The following ATP8A1 variants were observed in gnomAD, a reference collection of about 807,000 sequenced individuals.
ATP8A1 encodes the protein phospholipid-transporting ATPase IA.
Under a neutral mutation model 177.7 loss-of-function variants are expected in ATP8A1, and 90 were observed. The ratio of observed to expected loss-of-function variants is 0.51; its 90% CI spans 0.43 to 0.60. The LOEUF (loss-of-function observed/expected upper bound fraction) is 0.60, where lower values mean the gene tolerates loss of function less well. ATP8A1 is among the 20% of genes least tolerant of loss of function. The pLI is 0.00. For synonymous variants in ATP8A1, 493 were observed against 485.9 expected, an observed-to-expected ratio of 1.01 and a Z score of -0.19; for missense variants, 1,072 against 1,392.8, an observed-to-expected ratio of 0.77 and a Z score of 3.67.
At chr4:42,582,906 A>G (rs1733241618) in intron 9 of ATP8A1, among the ~76,000 whole-genome samples, 1 of 152,220 alleles carries the variant, frequency 6.6e-6, no homozygotes, top group African/African-American at 2.4e-5. Flanking sequence ...CTTGAGGAAA[A>G]TGTAATACAT....
intron 35 of ATP8A1, among the ~76,000 whole-genome samples, chr4:42,421,662 T>C (rs544665833): frequency 4.6e-5 from 7 of 152,246 alleles, no homozygotes; most frequent in Admixed American, 3.9e-4. Context: ...GCAAGAGAGC[T>C]GGAAGCCAAG....
chr4:42,572,467 G>C (rs1298099262), intron 14 of ATP8A1, among the ~76,000 whole-genome samples: 1 of 152,144 alleles, frequency 6.6e-6, no homozygotes, highest in Non-Finnish European at 1.5e-5. Context: ...AGAAGTCACG[G>C]TTTCTCCAAA....
chr4:42,559,509 G>A (rs1169459495), intron 15 of ATP8A1, among the ~76,000 whole-genome samples: 1 of 152,130 alleles, frequency 6.6e-6, no homozygotes, highest in Admixed American at 6.5e-5. Context: ...AAATAGTAAA[G>A]CATGTATCAT....
At chr4:42,413,532 T>A (rs1230898927) in intron 36 of ATP8A1, among the ~76,000 whole-genome samples, 1 of 152,244 alleles carries the variant, frequency 6.6e-6, no homozygotes, top group Admixed American at 6.5e-5. Flanking sequence ...GCTTAAATCC[T>A]TTATATAAAA....
Position 42,522,176 on chromosome 4 carries a change from T to A in ATP8A1, c.1931A>T (p.Tyr644Phe). 1 of 1,611,750 alleles carries A rather than the reference T, an allele frequency of 6.2e-7. No homozygotes were observed. Among genetic ancestry groups the A allele is most frequent in the African/African-American group, 1.3e-5 (1 of 74,946 alleles). The change falls in exon 22 of 37, where the codon TAT becomes TTT. Residue 644 changes from tyrosine to phenylalanine, a missense_variant. Tyr to Phe is a conservative substitution (Grantham distance 22, BLOSUM62 3). Coordinates refer to ENST00000381668, the MANE Select transcript of ATP8A1 (RefSeq NM_006095.2). Reference sequence around the variant, plus strand: ...TCCACGTACCTTTTCAATCAACTCATAACTCTCTTCGAGTTTGAGTAGCCT... The same window carrying A: ...TCCACGTACCTTTTCAATCAACTCAAAACTCTCTTCGAGTTTGAGTAGCCT... The part of the protein sequence containing the change: ...QNRLLKLEES[Y>F]ELIEKNLQLL...
intron 18 of ATP8A1, among the ~76,000 whole-genome samples, chr4:42,549,992 G>T (rs543448973): frequency 6.6e-6 from 1 of 152,132 alleles, no homozygotes; most frequent in African/African-American, 2.4e-5. Flanking sequence ...AGAGTCAAAT[G>T]AAAATTGTGC....
chr4:42,645,729 T>A (rs531658343), intron 1 of ATP8A1, among the ~76,000 whole-genome samples: 2 of 152,312 alleles, frequency 1.3e-5, no homozygotes, highest in South Asian at 2.1e-4. Flanking sequence ...TTCCTCCCCA[T>A]GTCATTTCTC....
rs188062517 is a variant in ATP8A1, at chr4:42,644,297, T to C, written c.49+12528A>G. ...TGGTACCTGGGGAAATTAAGAGAGTTTTTTCTTTTGCTAATTGTATTCACT... is the reference window on the plus strand; with the variant it reads ...TGGTACCTGGGGAAATTAAGAGAGTCTTTTCTTTTGCTAATTGTATTCACT... On this transcript the variant is annotated intron_variant, in intron 1 of 36. Transcript: ENST00000381668. Among the ~76,000 whole-genome samples, 172 of 152,166 alleles carry C rather than the reference T, an allele frequency of 1.1e-3. No individual in the cohort carries two copies. In the Middle Eastern group the frequency reaches 0.021, roughly 18 times the overall value.
chr4:42,636,974 C>T (rs775719062), intron 1 of ATP8A1, among the ~76,000 whole-genome samples: 2 of 152,156 alleles, frequency 1.3e-5, no homozygotes, highest in Non-Finnish European at 2.9e-5. Context: ...CTACTCCACC[C>T]GCTTAAAGGA....
At chr4:42,635,808 T>TATATATATATATAC (rs1553920622) in intron 1 of ATP8A1, among the ~76,000 whole-genome samples, 1 of 113,976 alleles carries the variant, frequency 8.8e-6, no homozygotes, top group Admixed American at 8.5e-5. Context: ...TATATATATA[T>TATATATATATATAC]ATACACATGT....
At chr4:42,569,312 A>AGTTCATTTT in intron 14 of ATP8A1, 107 bp from the exon 15 acceptor site, 1 of 749,744 alleles carries the variant, frequency 1.3e-6, no homozygotes, top group Non-Finnish European at 2.1e-6. Flanking sequence ...ATCACTGAAA[A>AGTTCATTTT]GTTAACAAAA....
intron 1 of ATP8A1, among the ~76,000 whole-genome samples, chr4:42,652,122 T>C (rs989916987): frequency 8.5e-5 from 13 of 152,368 alleles, no homozygotes; most frequent in African/African-American, 1.9e-4. Context: ...CTTTAAAACA[T>C]GTCCATTTGG....
intron 1 of ATP8A1, among the ~76,000 whole-genome samples, chr4:42,636,156 A>ACACACACACACACGCGTGCG (rs565139270): frequency 1.1e-5 from 1 of 90,898 alleles, no homozygotes. Context: ...ACACACACAC[A>ACACACACACACACGCGTGCG]CGCACACACA....
chr4:42,573,320 T>C (rs984326619), intron 14 of ATP8A1, among the ~76,000 whole-genome samples: 1 of 152,216 alleles, frequency 6.6e-6, no homozygotes, highest in Non-Finnish European at 1.5e-5. Flanking sequence ...ACTCTAGAAT[T>C]GCAATAGGCT....
At chr4:42,449,112 A>G (rs990741179) in intron 30 of ATP8A1, among the ~76,000 whole-genome samples, 6 of 152,216 alleles carry the variant, frequency 3.9e-5, no homozygotes, top group African/African-American at 1.4e-4. Context: ...CTGGGATTAC[A>G]GGTGTGAGCC....
intron 25 of ATP8A1, among the ~76,000 whole-genome samples, chr4:42,477,973 C>T (rs1345156206): frequency 6.6e-6 from 1 of 152,050 alleles, no homozygotes; most frequent in Non-Finnish European, 1.5e-5. Context: ...GAGCAAGACT[C>T]TACCTTCTCA....
At chr4:42,486,743 T>C (rs1367046718) in intron 24 of ATP8A1, among the ~76,000 whole-genome samples, 1 of 152,194 alleles carries the variant, frequency 6.6e-6, no homozygotes, top group Non-Finnish European at 1.5e-5. Flanking sequence ...ATATTTTTAC[T>C]GTGCCTTTTC....
chr4:42,641,642 T>C (rs769833476), intron 1 of ATP8A1, among the ~76,000 whole-genome samples: 76 of 152,284 alleles, frequency 5.0e-4, no homozygotes, highest in African/African-American at 1.7e-3. Context: ...GTTAACCCCA[T>C]TGACTTCAGT....
At chr4:42,420,770 C>CTT (rs34285804) in intron 35 of ATP8A1, among the ~76,000 whole-genome samples, 87 of 121,270 alleles carry the variant, frequency 7.2e-4, no homozygotes, top group South Asian at 1.6e-3. Flanking sequence ...AGCTAGAACT[C>CTT]TTTTTTTTTT....
Sources: allele counts gnomAD v4.1 joint callset (sites outside exome capture counted in the v4.1 genomes callset), GRCh38; gene constraint gnomAD v4.1.1; transcripts MANE v1.5; gene names NCBI Gene and HGNC (gene_info 2026-07-23, HGNC 2026-07-21).